HERC4: variants seen among roughly 807,000 people sequenced by gnomAD.
HERC4 encodes probable E3 ubiquitin-protein ligase HERC4.
In HERC4, 28 loss-of-function variants were observed where a neutral mutation model predicts 124.3. The ratio of observed to expected loss-of-function variants is 0.23; its 90% CI spans 0.17 to 0.31. The LOEUF is 0.31. Among genes scored for constraint, HERC4 ranks in the 10% least tolerant of loss-of-function variants. The probability of loss-of-function intolerance (pLI) is 1.00; values close to 1 mark genes in which losing one functional copy is unlikely to be tolerated. For missense variants in HERC4, 713 were observed against 1,229.3 expected, an observed-to-expected ratio of 0.58 and a Z score of 6.28; for synonymous variants, 407 against 421.5, an observed-to-expected ratio of 0.97 and a Z score of 0.42.
intron 23 of HERC4, among the ~76,000 whole-genome samples, chr10:67,926,651 G>T (rs2031011841): frequency 6.6e-6 from 1 of 152,090 alleles, no homozygotes; most frequent in Non-Finnish European, 1.5e-5. Context: ...CAGATTAAAT[G>T]CCATCTAATT....
intron 8 of HERC4, among the ~76,000 whole-genome samples, chr10:68,019,288 G>A (rs550374853): frequency 1.1e-4 from 17 of 152,150 alleles, no homozygotes; most frequent in Admixed American, 6.6e-4. Context: ...GAGCCACTGC[G>A]CCCGGTCCAG....
chr10:67,964,577 G>A (rs1294586939), intron 16 of HERC4, among the ~76,000 whole-genome samples: 1 of 151,264 alleles, frequency 6.6e-6, no homozygotes, highest in African/African-American at 2.4e-5. Flanking sequence ...TTTCATTTCT[G>A]TCCCGTTCCC....
chr10:67,979,752 C>A (rs779762298), intron 15 of HERC4, among the ~76,000 whole-genome samples: 1 of 151,996 alleles, frequency 6.6e-6, no homozygotes, highest in African/African-American at 2.4e-5. Flanking sequence ...CCAGCTAACA[C>A]GGTGAAACCT....
chr10:67,934,975 T>C (rs944861436), intron 22 of HERC4, among the ~76,000 whole-genome samples: 8 of 151,904 alleles, frequency 5.3e-5, no homozygotes, highest in African/African-American at 1.9e-4. Context: ...GTTTTTTTTT[T>C]TTCCATTTTT....
At chr10:68,049,316 AG>A in intron 3 of HERC4, among the ~76,000 whole-genome samples, 1 of 152,256 alleles carries the variant, frequency 6.6e-6, no homozygotes, top group African/African-American at 2.4e-5. Flanking sequence ...TTTGTGTAAG[AG>A]GAAGAAGAAA....
At chr10:67,955,834 T>C (rs1218178370) in intron 17 of HERC4, 1 of 152,118 alleles carries the variant, frequency 6.6e-6, no homozygotes, top group African/African-American at 2.4e-5. Flanking sequence ...TTACACAAAT[T>C]CACTTAACTA....
intron 8 of HERC4, among the ~76,000 whole-genome samples, chr10:68,023,292 A>C (rs2038737162): frequency 6.6e-6 from 1 of 152,222 alleles, no homozygotes; most frequent in Non-Finnish European, 1.5e-5. Context: ...AAGTAACCCA[A>C]GTGTCCATCA....
chr10:68,063,926 C>T (rs983377917), intron 3 of HERC4, among the ~76,000 whole-genome samples: 6 of 146,970 alleles, frequency 4.1e-5, no homozygotes, highest in African/African-American at 7.6e-5. Context: ...GCAACAAGAG[C>T]GAAACTCCGT....
At chr10:67,929,222 T>C (rs2132005331) in intron 23 of HERC4, among the ~76,000 whole-genome samples, 1 of 152,336 alleles carries the variant, frequency 6.6e-6, no homozygotes, top group South Asian at 2.1e-4. Context: ...ACAGTAAAAC[T>C]GGCTATATTC....
At chr10:68,049,860 G>A (rs937168192) in intron 3 of HERC4, among the ~76,000 whole-genome samples, 4 of 151,684 alleles carry the variant, frequency 2.6e-5, no homozygotes, top group East Asian at 1.9e-4. Flanking sequence ...ACAGTGAGCC[G>A]TGATTGTGCC....
At chr10:67,937,366 T>C (rs929777640) in intron 21 of HERC4, among the ~76,000 whole-genome samples, 1 of 152,048 alleles carries the variant, frequency 6.6e-6, no homozygotes, top group Admixed American at 6.5e-5. Flanking sequence ...CACTGAAAAA[T>C]CTCTGAGAAA....
intron 23 of HERC4, among the ~76,000 whole-genome samples, chr10:67,928,205 A>G (rs2031365558): frequency 6.6e-6 from 1 of 152,144 alleles, no homozygotes; most frequent in South Asian, 2.1e-4. Flanking sequence ...ACAGGAGATG[A>G]GGCAAGGAGG....
intron 23 of HERC4, among the ~76,000 whole-genome samples, 174 bp from the exon 24 acceptor site, chr10:67,925,361 G>A (rs564778065): frequency 3.9e-5 from 6 of 152,216 alleles, no homozygotes; most frequent in South Asian, 2.1e-4. Context: ...GAAGAAATAC[G>A]TAAGAATCAC....
intron 15 of HERC4, among the ~76,000 whole-genome samples, chr10:67,968,966 G>A (rs2035065536): frequency 6.6e-6 from 1 of 152,046 alleles, no homozygotes; most frequent in Non-Finnish European, 1.5e-5. Context: ...CCTAATAATT[G>A]TACATGAAAT....
At chr10:67,996,658 T>C (rs2036900510) in intron 9 of HERC4, among the ~76,000 whole-genome samples, 1 of 152,084 alleles carries the variant, frequency 6.6e-6, no homozygotes, top group Admixed American at 6.6e-5. Flanking sequence ...GCATTACATT[T>C]AGCATAGAAA....
At chr10:67,996,806 T>C (rs529942504) in intron 9 of HERC4, among the ~76,000 whole-genome samples, 128 of 151,864 alleles carry the variant, frequency 8.4e-4, no homozygotes, top group Non-Finnish European at 1.6e-3. Context: ...ACCCCGTCTC[T>C]ACTAAAAATA....
intron 23 of HERC4, among the ~76,000 whole-genome samples, chr10:67,928,693 C>A (rs532654155): frequency 6.6e-6 from 1 of 151,932 alleles, no homozygotes; most frequent in Non-Finnish European, 1.5e-5. Context: ...GAGGCCGAGG[C>A]GAGTGGATCA....
intron 16 of HERC4, chr10:67,964,771 C>T (rs2132426132): frequency 6.6e-6 from 1 of 152,338 alleles, no homozygotes; most frequent in Non-Finnish European, 1.5e-5. Flanking sequence ...TCCTTTCTTT[C>T]TTTCTTTCTT....
At chr10:68,007,328 CTT>C (rs1324803748) in intron 9 of HERC4, among the ~76,000 whole-genome samples, 2 of 152,072 alleles carry the variant, frequency 1.3e-5, no homozygotes, top group Admixed American at 6.6e-5. Flanking sequence ...GTTTTAATCT[CTT>C]TGTTAAATTT....
Sources: gnomAD v4.1 joint callset for allele counts (sites outside exome capture counted in the v4.1 genomes callset) on GRCh38, gnomAD v4.1.1 for gene constraint, MANE v1.5 for transcripts, NCBI Gene and HGNC (gene_info 2026-07-23, HGNC 2026-07-21) for gene names.